LINGO2: variants seen among roughly 807,000 people sequenced by gnomAD.
LINGO2 encodes leucine-rich repeat and immunoglobulin-like domain-containing nogo receptor-interacting protein 2.
Under a neutral mutation model 30.6 loss-of-function variants are expected in LINGO2, and 14 were observed. The observed-to-expected ratio is 0.46, with a 90% CI of 0.30 to 0.72. The LOEUF is 0.72. LINGO2 is among the 30% of genes least tolerant of loss of function. The probability of loss-of-function intolerance (pLI) is 0.07; values close to 1 mark genes in which losing one functional copy is unlikely to be tolerated. For missense variants in LINGO2, 729 were observed against 751.7 expected (o/e 0.97, Z 0.35); for synonymous variants, 317 against 288.5 (o/e 1.10, Z -1.00).
intron 3 of LINGO2, among the ~76,000 whole-genome samples, chr9:28,310,851 A>T (rs1446360711): frequency 6.6e-6 from 1 of 152,192 alleles, no homozygotes; most frequent in Non-Finnish European, 1.5e-5. Flanking sequence ...CATTGTCCCC[A>T]ATCTGATCGA....
At chr9:28,986,334 T>G in the LINGO2 span, among the ~76,000 whole-genome samples, 352 of 152,128 alleles carry the variant, frequency 2.3e-3, 3 homozygotes, top group African/African-American at 8.0e-3. Flanking sequence ...GTTCTTTTTG[T>G]TTATGATTGC....
intron 4 of LINGO2, among the ~76,000 whole-genome samples, chr9:28,125,819 C>T (rs1268633152): frequency 6.6e-6 from 1 of 152,174 alleles, no homozygotes; most frequent in African/African-American, 2.4e-5. Flanking sequence ...TCACTAAGAA[C>T]AGAACAGCTA....
the LINGO2 span, among the ~76,000 whole-genome samples, chr9:28,967,382 G>C: frequency 6.6e-6 from 1 of 152,102 alleles, no homozygotes; most frequent in African/African-American, 2.4e-5. Flanking sequence ...CTACCACTAG[G>C]CCAAGAACCA....
intron 4 of LINGO2, among the ~76,000 whole-genome samples, chr9:28,035,873 TAGC>T (rs1306452210): frequency 6.7e-5 from 9 of 135,090 alleles, no homozygotes; most frequent in African/African-American, 2.5e-4. Context: ...GATGAAATGA[TAGC>T]AGAACACACA....
intron 4 of LINGO2, among the ~76,000 whole-genome samples, chr9:28,246,686 G>C (rs1210858255): frequency 6.6e-6 from 1 of 152,070 alleles, no homozygotes; most frequent in Non-Finnish European, 1.5e-5. Flanking sequence ...TCAGGACATA[G>C]GCATGGGAAA....
intron 1 of LINGO2, among the ~76,000 whole-genome samples, chr9:28,531,848 G>C (rs763761042): frequency 5.3e-5 from 8 of 152,034 alleles, no homozygotes; most frequent in Non-Finnish European, 1.2e-4. Flanking sequence ...GAAAATTCTG[G>C]ACTATTTCCA....
chr9:28,360,043 C>A (rs896492254), intron 3 of LINGO2, among the ~76,000 whole-genome samples: 6 of 152,124 alleles, frequency 3.9e-5, no homozygotes, highest in Admixed American at 3.9e-4. Flanking sequence ...AGCATGTACA[C>A]TAAAACTTTT....
chr9:28,778,948 TAAAG>T, the LINGO2 span, among the ~76,000 whole-genome samples: 1 of 152,152 alleles, frequency 6.6e-6, no homozygotes. Flanking sequence ...ACATGGAAGA[TAAAG>T]AAATTGATTT....
intron 4 of LINGO2, among the ~76,000 whole-genome samples, chr9:28,236,119 C>G (rs1821555051): frequency 1.3e-5 from 2 of 152,066 alleles, no homozygotes; most frequent in African/African-American, 4.8e-5. Context: ...AATGGCACTC[C>G]AGTACATCTG....
chr9:28,775,770 G>A, the LINGO2 span, among the ~76,000 whole-genome samples: 1 of 151,988 alleles, frequency 6.6e-6, no homozygotes, highest in African/African-American at 2.4e-5. Context: ...CAAAACTATT[G>A]GCCATTCTGA....
chr9:28,398,868 C>G (rs920707223), intron 2 of LINGO2, among the ~76,000 whole-genome samples: 8 of 152,126 alleles, frequency 5.3e-5, no homozygotes, highest in African/African-American at 1.9e-4. Context: ...CAAGGCCTTT[C>G]ACTTAACCCC....
chr9:29,119,759 C>T, the LINGO2 span, among the ~76,000 whole-genome samples: 36,929 of 151,258 alleles, frequency 0.24, 4,668 homozygotes, highest in East Asian at 0.44. Flanking sequence ...CCACCACACC[C>T]GGCTAATTTT....
At chr9:29,072,026 A>T in the LINGO2 span, among the ~76,000 whole-genome samples, 1 of 152,164 alleles carries the variant, frequency 6.6e-6, no homozygotes, top group African/African-American at 2.4e-5. Flanking sequence ...TAGAGTGATT[A>T]AAATCATGGA....
chr9:28,504,796 T>C (rs1312417529), intron 1 of LINGO2, among the ~76,000 whole-genome samples: 2 of 151,646 alleles, frequency 1.3e-5, no homozygotes, highest in African/African-American at 2.4e-5. Flanking sequence ...AACTGAGAAA[T>C]GAGAAAGAAG....
the LINGO2 span, among the ~76,000 whole-genome samples, chr9:28,801,981 A>G: frequency 2.6e-5 from 4 of 151,976 alleles, 1 homozygote; most frequent in Admixed American, 1.3e-4. Flanking sequence ...GCTCACATAT[A>G]GTTTTCAATC....
the LINGO2 span, among the ~76,000 whole-genome samples, chr9:28,966,809 T>G: frequency 1.3e-5 from 2 of 152,072 alleles, no homozygotes; most frequent in Admixed American, 1.3e-4. Context: ...TAAACAACAG[T>G]TAAAAGCAGC....
chr9:27,948,972 C>G (rs767787293), exon 6 of LINGO2: 1 of 1,614,000 alleles, frequency 6.2e-7, no homozygotes, highest in Non-Finnish European at 8.5e-7. Flanking sequence ...TTTCCCTCGG[C>G]TCCACACAAA....
intron 4 of LINGO2, among the ~76,000 whole-genome samples, chr9:28,018,759 G>A (rs978851183): frequency 6.6e-6 from 1 of 152,172 alleles, no homozygotes; most frequent in Non-Finnish European, 1.5e-5. Context: ...ATGTAAATTA[G>A]TTCAGCTATT....
chr9:28,901,915 G>C, the LINGO2 span, among the ~76,000 whole-genome samples: 1 of 152,014 alleles, frequency 6.6e-6, no homozygotes, highest in Non-Finnish European at 1.5e-5. Context: ...GATTGACCAG[G>C]AACAGTGGCT....
Sources: gnomAD v4.1 joint callset for allele counts (sites outside exome capture counted in the v4.1 genomes callset) on GRCh38, gnomAD v4.1.1 for gene constraint, MANE v1.5 for transcripts, NCBI Gene and HGNC (gene_info 2026-07-23, HGNC 2026-07-21) for gene names.